The following CAPS2 variants were observed in gnomAD, a reference collection of about 807,000 sequenced individuals.
CAPS2 encodes the protein calcyphosine 2, also known as calcyphosin-2.
CAPS2 carries 98 observed loss-of-function variants against 86.5 expected under a neutral mutation model. The observed-to-expected ratio is 1.13, with a 90% CI of 0.96 to 1.34. The LOEUF (loss-of-function observed/expected upper bound fraction) is 1.34, where lower values mean the gene tolerates loss of function less well. CAPS2 is among the 40% of genes most tolerant of loss of function. The pLI is 0.00. For missense variants in CAPS2, 729 were observed against 686.8 expected (o/e 1.06, Z -0.69); for synonymous variants, 210 against 225.1 (o/e 0.93, Z 0.60).
At chr12:75,317,387 C>T (rs1181023352) in intron 5 of CAPS2, among the ~76,000 whole-genome samples, 2 of 152,032 alleles carry the variant, frequency 1.3e-5, no homozygotes, top group Non-Finnish European at 2.9e-5. Flanking sequence ...TTTAAACAGG[C>T]ACCAAAAAGA....
intron 1 of CAPS2, among the ~76,000 whole-genome samples, chr12:75,377,321 G>C (rs2044701081): frequency 6.6e-6 from 1 of 152,118 alleles, no homozygotes; most frequent in Non-Finnish European, 1.5e-5. Flanking sequence ...GAACTACTAG[G>C]ATATGTGCAT....
intron 1 of CAPS2, among the ~76,000 whole-genome samples, chr12:75,377,197 A>G (rs1434711705): frequency 9.2e-5 from 14 of 152,188 alleles, no homozygotes; most frequent in Admixed American, 9.2e-4. Flanking sequence ...CAGATTAAGC[A>G]GCCAACTCCA....
chr12:75,278,479 G>A (rs1027318558), exon 17 of CAPS2: 1 of 986,618 alleles, frequency 1.0e-6, no homozygotes. Context: ...AATATATTCT[G>A]AGGAAGAGGT....
chr12:75,363,139 G>T, intron 1 of CAPS2: 1 of 1,560,396 alleles, frequency 6.4e-7, no homozygotes, highest in Non-Finnish European at 8.6e-7. Flanking sequence ...CGTAAGAGGA[G>T]AATCTTGCTC....
intron 11 of CAPS2, among the ~76,000 whole-genome samples, chr12:75,296,867 CT>C (rs2036990050): frequency 6.6e-6 from 1 of 152,108 alleles, no homozygotes; most frequent in Non-Finnish European, 1.5e-5. Context: ...GAGAAGAGTG[CT>C]TTTACTATGG....
chr12:75,318,646 TC>T (rs773601466), intron 5 of CAPS2, among the ~76,000 whole-genome samples: 35 of 152,132 alleles, frequency 2.3e-4, no homozygotes, highest in Non-Finnish European at 3.8e-4. Context: ...TCCCCTGTGA[TC>T]CTATACAAGC....
chr12:75,316,936 C>G (rs963140986), intron 5 of CAPS2, among the ~76,000 whole-genome samples: 3 of 152,046 alleles, frequency 2.0e-5, no homozygotes, highest in African/African-American at 7.2e-5. Context: ...TGTTCTTTGA[C>G]TATGCGTTTA....
At chr12:75,278,923 A>G (rs764861548) in exon 17 of CAPS2, 11 of 1,597,426 alleles carry the variant, frequency 6.9e-6, no homozygotes. Context: ...AGATGTTAAC[A>G]AAGTCTTCAT....
At chr12:75,296,838 T>C (rs764192400) in intron 11 of CAPS2, among the ~76,000 whole-genome samples, 11 of 152,002 alleles carry the variant, frequency 7.2e-5, no homozygotes, top group Non-Finnish European at 1.2e-4. Context: ...GAACAAGAGG[T>C]GGAAGAGTTA....
intron 1 of CAPS2, among the ~76,000 whole-genome samples, chr12:75,345,308 T>C (rs1202808195): frequency 4.6e-5 from 7 of 152,160 alleles, no homozygotes. Flanking sequence ...TTGTGTTGCC[T>C]AATGTCTTGA....
At chr12:75,313,012 T>G (rs1228762985) in intron 6 of CAPS2, 97 bp from the exon 7 acceptor site, 3 of 655,654 alleles carry the variant, frequency 4.6e-6, no homozygotes, top group Non-Finnish European at 5.4e-6. Context: ...ATATCTCTGA[T>G]TTCCGTCTTA....
intron 1 of CAPS2, among the ~76,000 whole-genome samples, chr12:75,338,876 T>A (rs971046620): frequency 6.6e-6 from 1 of 152,196 alleles, no homozygotes; most frequent in Non-Finnish European, 1.5e-5. Flanking sequence ...CCTGCATTAG[T>A]TTGCTGAGGA....
chr12:75,318,384 A>C (rs940308199), intron 5 of CAPS2, among the ~76,000 whole-genome samples: 3 of 151,990 alleles, frequency 2.0e-5, no homozygotes, highest in Non-Finnish European at 4.4e-5. Flanking sequence ...CCCATCCTCA[A>C]AAGAACGAAG....
chr12:75,356,109 T>C (rs2043140422), intron 1 of CAPS2, among the ~76,000 whole-genome samples: 1 of 152,064 alleles, frequency 6.6e-6, no homozygotes, highest in Admixed American at 6.6e-5. Context: ...AACCTGCCCA[T>C]GCTGCATTTT....
intron 1 of CAPS2, among the ~76,000 whole-genome samples, chr12:75,348,405 T>C (rs1438457363): frequency 1.3e-5 from 2 of 152,228 alleles, no homozygotes; most frequent in East Asian, 3.8e-4. Context: ...TGTATATATC[T>C]CTCTGTATTT....
At chr12:75,388,988 A>C (rs188759474) in intron 1 of CAPS2, among the ~76,000 whole-genome samples, 5 of 152,312 alleles carry the variant, frequency 3.3e-5, no homozygotes, top group Non-Finnish European at 5.9e-5. Flanking sequence ...AATTGGTAAA[A>C]AAAACAAAAC....
At chr12:75,312,038 A>G (rs2039286057) in intron 7 of CAPS2, among the ~76,000 whole-genome samples, 1 of 152,182 alleles carries the variant, frequency 6.6e-6, no homozygotes, top group African/African-American at 2.4e-5. Context: ...AGTTTTTTCA[A>G]AGCTAAGTCT....
intron 1 of CAPS2, among the ~76,000 whole-genome samples, chr12:75,386,944 A>C (rs2045324541): frequency 6.6e-6 from 1 of 152,204 alleles, no homozygotes; most frequent in African/African-American, 2.4e-5. Context: ...TGTAAATACA[A>C]AAGTATAAAC....
At chr12:75,285,177 G>T in intron 14 of CAPS2, 97 bp from the exon 15 acceptor site, 1 of 1,101,700 alleles carries the variant, frequency 9.1e-7, no homozygotes, top group Non-Finnish European at 1.3e-6. Flanking sequence ...TGTAGTCCTA[G>T]ATATAACTCA....
Sources: gnomAD v4.1 joint callset for allele counts (sites outside exome capture counted in the v4.1 genomes callset) on GRCh38, gnomAD v4.1.1 for gene constraint, MANE v1.5 for transcripts, NCBI Gene and HGNC (gene_info 2026-07-23, HGNC 2026-07-21) for gene names.